DOCK7: variants seen among roughly 807,000 people sequenced by gnomAD.
The protein encoded by DOCK7 is dedicator of cytokinesis protein 7.
Under a neutral mutation model 271.0 loss-of-function variants are expected in DOCK7, and 138 were observed. The observed-to-expected ratio is 0.51, with a 90% CI of 0.44 to 0.59. The LOEUF (loss-of-function observed/expected upper bound fraction) is 0.59. Among genes scored for constraint, DOCK7 ranks in the 20% least tolerant of loss-of-function variants. The pLI is 0.00. For synonymous variants in DOCK7, 823 were observed against 876.1 expected, an observed-to-expected ratio of 0.94 and a Z score of 1.07; for missense variants, 2,066 against 2,592.4, an observed-to-expected ratio of 0.80 and a Z score of 4.41.
chr1:62,515,037 G>A (rs116143803), intron 31 of DOCK7, among the ~76,000 whole-genome samples: 3 of 151,516 alleles, frequency 2.0e-5, no homozygotes, highest in African/African-American at 7.3e-5. Context: ...TCCTTCTATA[G>A]TGGATGATAA....
At chr1:62,534,192 G>A (rs1401559311) in intron 29 of DOCK7, among the ~76,000 whole-genome samples, 2 of 152,130 alleles carry the variant, frequency 1.3e-5, no homozygotes, top group East Asian at 3.9e-4. Flanking sequence ...TAGAGATGGA[G>A]TTTCACCATG....
chr1:62,602,185 T>G, intron 14 of DOCK7: 1 of 980,484 alleles, frequency 1.0e-6, no homozygotes, highest in East Asian at 2.5e-5. Context: ...ATAAACTACC[T>G]TACAAAACCA....
At chr1:62,559,739 A>G (rs1360612403) in intron 19 of DOCK7, among the ~76,000 whole-genome samples, 1 of 152,192 alleles carries the variant, frequency 6.6e-6, no homozygotes, top group East Asian at 1.9e-4. Context: ...AAGAATTAAC[A>G]TAGTGGGCTT....
intron 1 of DOCK7, among the ~76,000 whole-genome samples, chr1:62,678,251 A>G (rs533710794): frequency 4.6e-5 from 7 of 152,350 alleles, no homozygotes; most frequent in Middle Eastern, 3.4e-3. Context: ...CTACAGAGCA[A>G]GATAAAAAAT....
intron 44 of DOCK7, among the ~76,000 whole-genome samples, chr1:62,476,479 CA>C (rs1288275230): frequency 6.6e-6 from 1 of 152,004 alleles, no homozygotes; most frequent in Non-Finnish European, 1.5e-5. Context: ...AAAGCAAAGA[CA>C]AAAGAAACTC....
intron 14 of DOCK7, chr1:62,601,889 CCTGT>C (rs1197409704): frequency 2.5e-6 from 4 of 1,574,822 alleles, no homozygotes; most frequent in African/African-American, 1.4e-5. Flanking sequence ...TCAGGTAAAA[CCTGT>C]CTAAGGAGAA....
Position 62,636,537 on chromosome 1 carries a change from CT to C in DOCK7, c.884del (p.Lys295ArgfsTer15). ...LALYDVKEKK[K>X]ISENFYFDLN... ...CTATGGTCAAATTATATAATCTTAC[CT>C]TTTTCTTTTCCTTGACATCATATAA... On this transcript the variant is annotated frameshift_variant and splice_region_variant, in exon 8 of 50. Coordinates refer to ENST00000635253, the MANE Select transcript of DOCK7 (RefSeq NM_001367561.1). LOFTEE classifies it high-confidence loss of function. 2 of 1,594,006 alleles carry C rather than the reference CT, an allele frequency of 1.3e-6. No homozygotes were observed. Among genetic ancestry groups the C allele is most frequent in the East Asian group, 2.3e-5 (1 of 44,392 alleles).
At chr1:62,515,583 T>C (rs1459659015) in intron 31 of DOCK7, among the ~76,000 whole-genome samples, 5 of 152,190 alleles carry the variant, frequency 3.3e-5, no homozygotes, top group Admixed American at 3.3e-4. Context: ...AGTAACACAG[T>C]GACATCTCTG....
At position 62,647,673 on chromosome 1, in the gene DOCK7, A is replaced by G; in HGVS notation, c.818+18T>C. 1 of 1,542,602 alleles carries G rather than the reference A, an allele frequency of 6.5e-7. No individual in the cohort carries two copies. The highest frequency in any genetic ancestry group is 8.8e-7 in the Non-Finnish European group (1 of 1,137,250). ...TCCTGGAAAATAAAAGTTGTAAGTA[A>G]AAGAAATAAATACTCACTTGAGTGA... On this transcript the variant is annotated intron_variant, in intron 7 of 49. Transcript: ENST00000635253.
chr1:62,495,806 T>C (rs1646603452), intron 38 of DOCK7, 125 bp from the exon 39 acceptor site: 3 of 749,914 alleles, frequency 4.0e-6, no homozygotes, highest in Non-Finnish European at 2.1e-6. Flanking sequence ...GATACTGATA[T>C]GATTCTGTAC....
chr1:62,511,793 G>C, intron 33 of DOCK7, among the ~76,000 whole-genome samples: 1 of 151,650 alleles, frequency 6.6e-6, no homozygotes, highest in East Asian at 1.9e-4. Context: ...TATTAAGATA[G>C]TTAGCAAAAT....
At position 62,455,394 on chromosome 1, in the gene DOCK7, A is replaced by G. The variant is rs764960952; in HGVS notation, c.*20T>C. The G allele has an allele frequency of 6.2e-7, 1 of 1,612,844 alleles. No homozygotes were observed. The highest frequency in any genetic ancestry group is 8.5e-7 in the Non-Finnish European group (1 of 1,179,160). The stretch of plus-strand genomic sequence containing the variant: ...TGAATACATGGCTCTTTGCAGATGA[A>G]TAAAACAAGTGCATTCAGTTTAGAG... On this transcript the variant is annotated 3_prime_UTR_variant, in exon 50 of 50. Transcript: ENST00000635253.
chr1:62,600,514 C>T (rs991202652), intron 14 of DOCK7, among the ~76,000 whole-genome samples: 4 of 151,540 alleles, frequency 2.6e-5, no homozygotes, highest in African/African-American at 9.7e-5. Flanking sequence ...AATTGCAAAC[C>T]CAACACACTT....
intron 48 of DOCK7, among the ~76,000 whole-genome samples, chr1:62,473,287 G>A (rs1234614061): frequency 6.6e-6 from 1 of 152,158 alleles, no homozygotes; most frequent in African/African-American, 2.4e-5. Context: ...GTCAGGATCT[G>A]AACACAAGTT....
chr1:62,529,357 A>G lies in DOCK7; in HGVS notation c.3701T>C (p.Ile1234Thr). Residue 1234 changes from isoleucine (I) to threonine (T), a missense_variant, in exon 30 of 50, where the codon ATA becomes ACA. Physicochemically the swap from Ile to Thr is moderately conservative, Grantham distance 89. Transcript: ENST00000635253. ...ATACAACATGGCCACTCGAGCCTTT[A>G]TCTGAGGGTCAGAGTACCGCGGGTC... ...DSDPRYSDPQ[I>T]KARVAMLYLP... The G allele has an allele frequency of 6.2e-7, 1 of 1,613,856 alleles. No individual in the cohort carries two copies. Among genetic ancestry groups the G allele is most frequent in the Non-Finnish European group, 8.5e-7 (1 of 1,179,926 alleles).
chr1:62,496,441 T>C lies in DOCK7; in HGVS notation c.4821A>G (p.Thr1607=). 6.2e-7 allele frequency: 1 copy of C among 1,613,690 alleles called. No individual in the cohort carries two copies. The highest frequency in any genetic ancestry group is 8.5e-7 in the Non-Finnish European group (1 of 1,179,728). ...VTMSLSSLVG[T]SQNFNEEFLR... The stretch of plus-strand genomic sequence containing the variant: ...AGAATTCTTCATTAAAATTCTGAGA[T>C]GTGCCCACCAAGGAGGATAGTGACA... Residue 1607 remains threonine, a synonymous_variant, in exon 38 of 50, where the codon ACA becomes ACG. Transcript: ENST00000635253.
intron 29 of DOCK7, among the ~76,000 whole-genome samples, chr1:62,534,430 C>G (rs1250964853): frequency 6.6e-6 from 1 of 152,098 alleles, no homozygotes; most frequent in African/African-American, 2.4e-5. Context: ...GCCTGGCCAA[C>G]ATGGCAAAAC....
At chr1:62,665,862 A>C (rs1659253361) in intron 1 of DOCK7, among the ~76,000 whole-genome samples, 1 of 151,978 alleles carries the variant, frequency 6.6e-6, no homozygotes, top group African/African-American at 2.4e-5. Flanking sequence ...GCTGTATTTC[A>C]TCAAATTCAA....
At chr1:62,564,212 C>T (rs549679684) in intron 18 of DOCK7, among the ~76,000 whole-genome samples, 1 of 152,218 alleles carries the variant, frequency 6.6e-6, no homozygotes, top group Non-Finnish European at 1.5e-5. Flanking sequence ...CTGGACCAAG[C>T]GGACCTAATA....
Sources: allele counts gnomAD v4.1 joint callset (sites outside exome capture counted in the v4.1 genomes callset), GRCh38; gene constraint gnomAD v4.1.1; transcripts MANE v1.5; gene names NCBI Gene and HGNC (gene_info 2026-07-23, HGNC 2026-07-21).